The following ACVR2B variants were observed in gnomAD, a reference collection of about 807,000 sequenced individuals.
The protein encoded by ACVR2B is activin A receptor type 2B.
Under a neutral mutation model 65.1 loss-of-function variants are expected in ACVR2B, and 18 were observed. The observed-to-expected ratio is 0.28, with a 90% CI of 0.19 to 0.41. ACVR2B has a LOEUF of 0.41. ACVR2B is among the 10% of genes least tolerant of loss of function. The pLI, the probability that ACVR2B is intolerant of heterozygous loss-of-function variation, is 1.00. For missense variants in ACVR2B, 482 were observed against 682.7 expected, an observed-to-expected ratio of 0.71 and a Z score of 3.28; for synonymous variants, 298 against 277.7, an observed-to-expected ratio of 1.07 and a Z score of -0.73.
Position 38,485,085 on chromosome 3 carries a change from A to T in ACVR2B, c.*1753A>T, listed in dbSNP as rs1304784779. The T allele has an allele frequency of 2.0e-5, 3 of 152,248 alleles. No individual in the cohort carries two copies. The highest frequency in any genetic ancestry group is 2.9e-5 in the Non-Finnish European group (2 of 68,036). 9.4% of individuals were successfully genotyped at this position (152,248 alleles called of 1,614,324 possible). On this transcript the variant is annotated 3_prime_UTR_variant, in exon 11 of 11. Transcript: ENST00000352511. ...TCTTTAGATCATTTTATTTAAAAAC[A>T]GTGCATCTCTTCATCGTGAGGGTAG...
At position 38,490,047 on chromosome 3, in the gene ACVR2B, G is replaced by A. The variant is rs1710185930; in HGVS notation, c.*6715G>A. ...CCCAGTAACAGCAGAGCATCTTTCA[G>A]ATAGCTCCAGAGTTTTCCTGCTTTT... is the stretch of plus-strand genomic sequence containing the variant. On this transcript the variant is annotated 3_prime_UTR_variant, in exon 11 of 11. Coordinates refer to ENST00000352511, the MANE Select transcript of ACVR2B (RefSeq NM_001106.4). The A allele has an allele frequency of 6.6e-6, 1 of 152,228 alleles. No individual in the cohort carries two copies. The highest frequency in any genetic ancestry group is 1.5e-5 in the Non-Finnish European group (1 of 68,044). 9.4% of individuals were successfully genotyped at this position (152,228 alleles called of 1,614,324 possible). A position where few individuals can be genotyped will look rare whatever the true frequency, so the allele number is the denominator to read the frequency against.
chr3:38,485,928 G>A lies in ACVR2B; in HGVS notation c.*2596G>A, dbSNP rs1011829053. 1.3e-5 allele frequency: 2 copies of A among 152,522 alleles called. No individual in the cohort carries two copies. The highest frequency in any genetic ancestry group is 4.8e-5 in the African/African-American group (2 of 41,390). 9.4% of individuals were successfully genotyped at this position (152,522 alleles called of 1,614,324 possible). A position where few individuals can be genotyped will look rare whatever the true frequency, so the allele number is the denominator to read the frequency against. Reference sequence around the variant, plus strand: ...TAACAAATGTAGCAAATTTACTGCAGGAATAGTTAGGTCATGATACTACCT... The same window carrying A: ...TAACAAATGTAGCAAATTTACTGCAAGAATAGTTAGGTCATGATACTACCT... On this transcript the variant is annotated 3_prime_UTR_variant, in exon 11 of 11. Transcript: ENST00000352511.
Position 38,482,341 on chromosome 3 carries a change from G to A in ACVR2B, c.1213+5G>A. 7 of 1,611,134 alleles carry A rather than the reference G, an allele frequency of 4.3e-6. No individual in the cohort carries two copies. Among genetic ancestry groups the A allele is most frequent in the Non-Finnish European group, 5.9e-6 (7 of 1,179,382 alleles). ...CTCGCTGCAAGGCTGCAGACGGTAAGTAGGATGGCAGCCCTGGGCATCCTA... is the reference window on the plus strand; with the variant it reads ...CTCGCTGCAAGGCTGCAGACGGTAAATAGGATGGCAGCCCTGGGCATCCTA... On this transcript the variant is annotated splice_donor_5th_base_variant and intron_variant, in intron 9 of 10. Coordinates refer to ENST00000352511, the MANE Select transcript of ACVR2B (RefSeq NM_001106.4).
chr3:38,479,863 C>T, intron 7 of ACVR2B, 37 bp downstream of exon 7: 6 of 1,609,716 alleles, frequency 3.7e-6, no homozygotes, highest in Non-Finnish European at 5.1e-6. Context: ...TGCACTTGAC[C>T]TGGAGCTGTG....
In ACVR2B at chr3:38,483,261, T is replaced by A. The variant is rs201101286; in HGVS notation, c.1468T>A (p.Ser490Thr). The A allele has an allele frequency of 2.5e-6, 4 of 1,614,024 alleles. No homozygotes were observed. Among genetic ancestry groups the A allele is most frequent in the Non-Finnish European group, 3.4e-6 (4 of 1,180,004 alleles). ...LIRRSVNGTT[S>T]DCLVSLVTSV... ...TCGGAGGTCGGTCAACGGCACTACCTCGGACTGTCTCGTTTCCCTGGTGAC... is the reference window on the plus strand; with the variant it reads ...TCGGAGGTCGGTCAACGGCACTACCACGGACTGTCTCGTTTCCCTGGTGAC... The change falls in exon 11 of 11, where the codon TCG (serine) becomes ACG (threonine). Residue 490 changes from serine to threonine, a missense_variant. Physicochemically the swap from Ser to Thr is moderately conservative, Grantham distance 58. Transcript: ENST00000352511. The surrounding 1 kb of genome is among the most constrained non-coding windows in gnomAD (Gnocchi z 4.8).
chr3:38,483,014 C>T lies in ACVR2B; in HGVS notation c.1345-124C>T. On this transcript the variant is annotated intron_variant, in intron 10 of 10. Coordinates refer to ENST00000352511, the MANE Select transcript of ACVR2B (RefSeq NM_001106.4). The surrounding 1 kb of genome is among the most constrained non-coding windows in gnomAD (Gnocchi z 4.8). ...CAGGCCTCTGCTGGTGGACCTGCTG[C>T]TGTGGTTGGGGCTGGTGGGCTCTGC... is the stretch of plus-strand genomic sequence containing the variant. 9.3e-7 allele frequency: 1 copy of T among 1,080,304 alleles called. No individual in the cohort carries two copies. The highest frequency in any genetic ancestry group is 1.4e-6 in the Non-Finnish European group (1 of 701,018). The allele number at this position is 1,080,304 out of a possible 1,614,324, so 66.9% of individuals were successfully genotyped here. A position where few individuals can be genotyped will look rare whatever the true frequency, so the allele number is the denominator to read the frequency against.
chr3:38,484,686 C>A lies in ACVR2B; in HGVS notation c.*1354C>A, dbSNP rs1188522668. ...TTTTTTTTTTCAAACAAAACACACA[C>A]ATCCACATATACACATGCTTCGCTA... On this transcript the variant is annotated 3_prime_UTR_variant, in exon 11 of 11. Transcript: ENST00000352511. 1 of 152,282 alleles carries A rather than the reference C, an allele frequency of 6.6e-6. No individual in the cohort carries two copies. Among genetic ancestry groups the A allele is most frequent in the Non-Finnish European group, 1.5e-5 (1 of 68,000 alleles). 9.4% of individuals were successfully genotyped at this position (152,282 alleles called of 1,614,324 possible).
intron 1 of ACVR2B, among the ~76,000 whole-genome samples, chr3:38,456,325 G>A (rs1709550170): frequency 6.6e-6 from 1 of 152,186 alleles, no homozygotes; most frequent in Non-Finnish European, 1.5e-5. Flanking sequence ...TGGCTTCAGG[G>A]ATGCCCTTTA....
intron 1 of ACVR2B, among the ~76,000 whole-genome samples, chr3:38,467,633 T>C (rs1395252075): frequency 6.6e-6 from 1 of 151,542 alleles, no homozygotes; most frequent in East Asian, 2.0e-4. Flanking sequence ...CACCTGTAAG[T>C]CCGAGCTACT....
chr3:38,467,348 C>T (rs553008959), intron 1 of ACVR2B, among the ~76,000 whole-genome samples: 65 of 151,834 alleles, frequency 4.3e-4, no homozygotes, highest in Non-Finnish European at 7.4e-4. Flanking sequence ...GAGGCTGAGG[C>T]AGGAGAATCA....
At position 38,491,793 on chromosome 3, in the gene ACVR2B, T is replaced by C. The variant is rs1432201202; in HGVS notation, c.*8461T>C. 2 of 152,136 alleles carry C rather than the reference T, an allele frequency of 1.3e-5. No homozygotes were observed. The allele number at this position is 152,136 out of a possible 1,614,324, so 9.4% of individuals were successfully genotyped here. Reference sequence around the variant, plus strand: ...CTTTTTTTCTGTAATTCTGTAAAAATGCAGAGAAAGTTGAGTGGTACTTCA... The same window carrying C: ...CTTTTTTTCTGTAATTCTGTAAAAACGCAGAGAAAGTTGAGTGGTACTTCA... On this transcript the variant is annotated 3_prime_UTR_variant, in exon 11 of 11. Coordinates refer to ENST00000352511, the MANE Select transcript of ACVR2B (RefSeq NM_001106.4).
chr3:38,488,449 A>G lies in ACVR2B; in HGVS notation c.*5117A>G, dbSNP rs1313352168. On this transcript the variant is annotated 3_prime_UTR_variant, in exon 11 of 11. Transcript: ENST00000352511. ...GAAAATTAATTCGGTTGACCCAGTA[A>G]CATTTTTTAAAACAATTGGTGGCTC... 1 of 152,198 alleles carries G rather than the reference A, an allele frequency of 6.6e-6. No homozygotes were observed. The highest frequency in any genetic ancestry group is 2.4e-5 in the African/African-American group (1 of 41,454). The allele number at this position is 152,198 out of a possible 1,614,324, so 9.4% of individuals were successfully genotyped here.
rs748795436 is a variant in ACVR2B, at chr3:38,481,348, C to T, written c.960-3C>T. ...CTTTATCTCTGCCCACTTGTTTCCA[C>T]AGGGACTTTAAAAGTAAGAATGTAT... On this transcript the variant is annotated splice_region_variant and splice_polypyrimidine_tract_variant and intron_variant, in intron 7 of 10. Transcript: ENST00000352511. This position sits in a 1 kb window ranked among gnomAD's most constrained non-coding sequence, Gnocchi z 4.7. The T allele has an allele frequency of 1.2e-6, 2 of 1,611,640 alleles. No individual in the cohort carries two copies. Among genetic ancestry groups the T allele is most frequent in the Non-Finnish European group, 1.7e-6 (2 of 1,177,886 alleles).
At chr3:38,480,525 T>C (rs1710000048) in intron 7 of ACVR2B, among the ~76,000 whole-genome samples, 1 of 152,204 alleles carries the variant, frequency 6.6e-6, no homozygotes, top group African/African-American at 2.4e-5. Context: ...TACAGAGAAG[T>C]TGAATGACTT....
chr3:38,477,749 C>G lies in ACVR2B; in HGVS notation c.261-112C>G. 1 of 1,196,170 alleles carries G rather than the reference C, an allele frequency of 8.4e-7. No individual in the cohort carries two copies. Among genetic ancestry groups the G allele is most frequent in the South Asian group, 1.2e-5 (1 of 82,382 alleles). The allele number at this position is 1,196,170 out of a possible 1,614,324, so 74.1% of individuals were successfully genotyped here. On this transcript the variant is annotated intron_variant, in intron 2 of 10. Coordinates refer to ENST00000352511, the MANE Select transcript of ACVR2B (RefSeq NM_001106.4). The surrounding 1 kb of genome is among the most constrained non-coding windows in gnomAD (Gnocchi z 6.7). Reference sequence around the variant, plus strand: ...TAGGGGAGGTGAGTTCACACCGTCCCCCTGGTGTTGCCCATGAGGTGCTCT... The same window carrying G: ...TAGGGGAGGTGAGTTCACACCGTCCGCCTGGTGTTGCCCATGAGGTGCTCT...
intron 1 of ACVR2B, among the ~76,000 whole-genome samples, chr3:38,472,536 C>G (rs1266538719): frequency 6.6e-6 from 1 of 151,370 alleles, no homozygotes; most frequent in African/African-American, 2.4e-5. Context: ...GAGTGGCACT[C>G]CTTCTCACCT....
rs751956277 is a variant in ACVR2B at position 38,479,811 on chromosome 3, C to T, written c.944C>T (p.Pro315Leu). ...VPWCRGEGHKPSIAHRDFKSK... is the reference protein window; with the variant it reads ...VPWCRGEGHKLSIAHRDFKSK... ...TGGTGCCGTGGCGAGGGCCACAAGC[C>T]GTCTATTGCCCACAGGTACCTGGGT... is the stretch of plus-strand genomic sequence containing the variant. The change falls in exon 7 of 11, where the codon CCG becomes CTG. Residue 315 changes from proline (P) to leucine (L), a missense_variant. By Grantham distance (98) the Pro-to-Leu change is moderately conservative. Around this residue, in one of 5 missense-constraint regions of ACVR2B, gnomAD observed 223 missense variants for 386.3 expected, o/e 0.58. Transcript: ENST00000352511. The T allele has an allele frequency of 1.2e-6, 2 of 1,614,132 alleles. No individual in the cohort carries two copies. Among genetic ancestry groups the T allele is most frequent in the Non-Finnish European group, 1.7e-6 (2 of 1,180,020 alleles).
Position 38,477,026 on chromosome 3 carries a change from TCCTC to T in ACVR2B, c.53-257_53-254del. 1.7e-6 allele frequency: 1 copy of T among 574,934 alleles called. No individual in the cohort carries two copies. Among genetic ancestry groups the T allele is most frequent in the Non-Finnish European group, 3.1e-6 (1 of 321,202 alleles). The allele number at this position is 574,934 out of a possible 1,614,324, so 35.6% of individuals were successfully genotyped here. A position where few individuals can be genotyped will look rare whatever the true frequency, so the allele number is the denominator to read the frequency against. ...CTTCTGTGGCATTAGGTTTCCTGCC[TCCTC>T]CCTTTTGCTTAGGCCTAGGGGCAGC... On this transcript the variant is annotated intron_variant, in intron 1 of 10. Transcript: ENST00000352511. The surrounding 1 kb of genome is among the most constrained non-coding windows in gnomAD (Gnocchi z 6.7).
At chr3:38,482,660 A>G (rs1297126127) in intron 10 of ACVR2B, 100 bp downstream of exon 10, 6 of 1,516,104 alleles carry the variant, frequency 4.0e-6, no homozygotes, top group Non-Finnish European at 5.4e-6. Context: ...GGGCAAATAG[A>G]AAGTCTGCGA....
Sources: gnomAD v4.1 joint callset for allele counts (sites outside exome capture counted in the v4.1 genomes callset) on GRCh38, gnomAD v4.1.1 for gene constraint, gnomAD v4.1.1 regional missense constraint, Gnocchi (gnomAD v3.1) non-coding constraint, MANE v1.5 for transcripts, NCBI Gene and HGNC (gene_info 2026-07-23, HGNC 2026-07-21) for gene names.